SRRM3: variants seen among roughly 807,000 people sequenced by gnomAD.
SRRM3 encodes the protein serine/arginine repetitive matrix 3, also known as serine/arginine repetitive matrix protein 3.
Under a neutral mutation model 66.2 loss-of-function variants are expected in SRRM3, and 27 were observed. The ratio of observed to expected loss-of-function variants is 0.41; its 90% CI spans 0.30 to 0.56. The LOEUF is 0.56. Among genes scored for constraint, SRRM3 ranks in the 20% least tolerant of loss-of-function variants. The pLI, the probability that SRRM3 is intolerant of heterozygous loss-of-function variation, is 0.32. For synonymous variants in SRRM3, 391 were observed against 414.9 expected, an observed-to-expected ratio of 0.94 and a Z score of 0.70; for missense variants, 918 against 991.9, an observed-to-expected ratio of 0.93 and a Z score of 1.00.
At position 76,259,954 on chromosome 7, in the gene SRRM3, G is replaced by C; in HGVS notation, c.384G>C (p.Glu128Asp). The change falls in exon 4 of 15, where the codon GAG becomes GAC. Residue 128 changes from glutamate (E) to aspartate (D), a missense_variant. Transcript: ENST00000611745. Reference protein sequence around the residue: ...RLTEGAEPGLEYAPFDDDDGP... With the variant: ...RLTEGAEPGLDYAPFDDDDGP... Reference sequence around the variant, plus strand: ...CCGAGGGCGCTGAGCCGGGCCTGGAGTACGCGCCCTTTGACGATGACGACG... The same window carrying C: ...CCGAGGGCGCTGAGCCGGGCCTGGACTACGCGCCCTTTGACGATGACGACG... 6.2e-7 allele frequency: 1 copy of C among 1,601,998 alleles called. No individual in the cohort carries two copies. Among genetic ancestry groups the C allele is most frequent in the Non-Finnish European group, 8.5e-7 (1 of 1,179,470 alleles).
Position 76,285,690 on chromosome 7 carries a change from G to T in SRRM3, c.1809G>T (p.Ser603=), listed in dbSNP as rs781997418. The change falls in exon 15 of 15, where the codon TCG becomes TCT. Residue 603 remains serine, a synonymous_variant. Coordinates refer to ENST00000611745, the MANE Select transcript of SRRM3 (RefSeq NM_001110199.3). This position sits in a 1 kb window ranked among gnomAD's most constrained non-coding sequence, Gnocchi z 4.1. Reference sequence around the variant, plus strand: ...CCAGCTGCTTGAGCAGCGACTACTCGACCCGGAGCCACAGCCGCAGCCCCA... The same window carrying T: ...CCAGCTGCTTGAGCAGCGACTACTCTACCCGGAGCCACAGCCGCAGCCCCA... ...SSSSCLSSDY[S]TRSHSRSPSP... is the part of the protein sequence containing the mutation. 6.4e-7 allele frequency: 1 copy of T among 1,550,968 alleles called. No homozygotes were observed. Among genetic ancestry groups the T allele is most frequent in the Non-Finnish European group, 8.7e-7 (1 of 1,146,918 alleles).
intron 1 of SRRM3, among the ~76,000 whole-genome samples, chr7:76,225,343 G>T (rs1554603628): frequency 6.6e-6 from 1 of 152,196 alleles, no homozygotes; most frequent in Non-Finnish European, 1.5e-5. Context: ...CTTACTTGAA[G>T]CTGTGGGAAT....
intron 8 of SRRM3, 78 bp from the exon 9 acceptor site, chr7:76,264,687 G>C (rs1801964557): frequency 6.7e-7 from 1 of 1,482,720 alleles, no homozygotes; most frequent in Non-Finnish European, 9.4e-7. Context: ...ATCCACACCT[G>C]AGTATACCCA....
rs559722959 is a variant in SRRM3 at position 76,260,214 on chromosome 7, A to G, written c.545+17A>G. Reference sequence around the variant, plus strand: ...GAGAAGCCGGTGAGAACCGCGCCTGACCGGAGCGGGAAGGGAGGAGGAGGT... The same window carrying G: ...GAGAAGCCGGTGAGAACCGCGCCTGGCCGGAGCGGGAAGGGAGGAGGAGGT... On this transcript the variant is annotated intron_variant, in intron 5 of 14. Transcript: ENST00000611745. 4.6e-6 allele frequency: 7 copies of G among 1,522,542 alleles called. No homozygotes were observed. In the African/African-American group the frequency reaches 1.0e-4, roughly 22 times the overall value. The allele number at this position is 1,522,542 out of a possible 1,614,324, so 94.3% of individuals were successfully genotyped here.
intron 1 of SRRM3, 71 bp from the exon 2 acceptor site, chr7:76,234,957 T>G: frequency 1.1e-6 from 1 of 874,092 alleles, no homozygotes; most frequent in Non-Finnish European, 1.7e-6. Flanking sequence ...CAGGATTAAC[T>G]CCAGCAGAGA....
Position 76,248,226 on chromosome 7 carries a change from T to C in SRRM3, c.272T>C (p.Phe91Ser). 1 of 1,613,758 alleles carries C rather than the reference T, an allele frequency of 6.2e-7. No homozygotes were observed. The highest frequency in any genetic ancestry group is 8.5e-7 in the Non-Finnish European group (1 of 1,179,828). The change falls in exon 3 of 15, where the codon TTC (phenylalanine) becomes TCC (serine). Residue 91 changes from phenylalanine to serine, a missense_variant. Physicochemically the swap from Phe to Ser is radical, Grantham distance 155 (BLOSUM62 -2). Coordinates refer to ENST00000611745, the MANE Select transcript of SRRM3 (RefSeq NM_001110199.3). ...GAGATTCGGCAGAAAGTGGGGACAT[T>C]CCGGCAGATGCTGATGGAGAAGGAG... ...EEEIRQKVGT[F>S]RQMLMEKEGV...
chr7:76,210,603 C>T (rs971576880), intron 1 of SRRM3, among the ~76,000 whole-genome samples: 3 of 152,062 alleles, frequency 2.0e-5, no homozygotes, highest in South Asian at 2.1e-4. Context: ...GAGTTGGGCA[C>T]GGTGGCACAC....
In SRRM3 at chr7:76,286,086, CG is replaced by C. The variant is rs1369668885; in HGVS notation, c.*247del. 1.7e-6 allele frequency: 1 copy of C among 575,204 alleles called. No individual in the cohort carries two copies. Among genetic ancestry groups the C allele is most frequent in the African/African-American group, 1.9e-5 (1 of 53,010 alleles). The allele number at this position is 575,204 out of a possible 1,614,324, so 35.6% of individuals were successfully genotyped here. A position where few individuals can be genotyped will look rare whatever the true frequency, so the allele number is the denominator to read the frequency against. On this transcript the variant is annotated 3_prime_UTR_variant, in exon 15 of 15. Coordinates refer to ENST00000611745, the MANE Select transcript of SRRM3 (RefSeq NM_001110199.3). ...CCACCTCCTGTCCACCCACTGTGCC[CG>C]GGGAACAAAGAGCCGTTACGAACAC...
intron 2 of SRRM3, among the ~76,000 whole-genome samples, chr7:76,245,814 G>A (rs1312987510): frequency 5.9e-5 from 9 of 152,152 alleles, no homozygotes; most frequent in African/African-American, 1.9e-4. Context: ...TCCTGCCTCG[G>A]CCTCGTGGGT....
intron 2 of SRRM3, among the ~76,000 whole-genome samples, chr7:76,244,514 A>C (rs1583902440): frequency 1.8e-5 from 2 of 110,896 alleles, no homozygotes. Flanking sequence ...ACAGAGCAAG[A>C]CTCCATCTCA....
chr7:76,239,890 G>A (rs782817080), intron 2 of SRRM3, among the ~76,000 whole-genome samples: 8 of 152,132 alleles, frequency 5.3e-5, no homozygotes, highest in South Asian at 2.1e-4. Flanking sequence ...ATTGCTGGGC[G>A]TGGTGGCTCA....
intron 1 of SRRM3, among the ~76,000 whole-genome samples, chr7:76,218,475 C>T (rs1800622740): frequency 6.6e-6 from 1 of 151,996 alleles, no homozygotes; most frequent in Admixed American, 6.6e-5. Flanking sequence ...GCTGTCTGCT[C>T]TTGGTGGCAA....
At chr7:76,278,236 C>T (rs1398273937) in intron 11 of SRRM3, among the ~76,000 whole-genome samples, 1 of 152,098 alleles carries the variant, frequency 6.6e-6, no homozygotes, top group East Asian at 1.9e-4. Context: ...CCTGTAATCC[C>T]AGCACTTTGG....
chr7:76,259,072 T>C (rs1386349730), intron 3 of SRRM3, among the ~76,000 whole-genome samples: 1 of 137,998 alleles, frequency 7.2e-6, no homozygotes, highest in Non-Finnish European at 1.5e-5. Context: ...GACAACGGAG[T>C]GAGACTGAAA....
Position 76,259,920 on chromosome 7 carries a change from C to G in SRRM3, c.350C>G (p.Pro117Arg), listed in dbSNP as rs782029883. The G allele has an allele frequency of 1.9e-6, 3 of 1,601,692 alleles. No homozygotes were observed. Among genetic ancestry groups the G allele is most frequent in the African/African-American group, 1.3e-5 (1 of 75,002 alleles). ...RPGGHIVAET[P>R]RLTEGAEPGL... ...GTCGCCGGCAGTGTGGCGGAGACCC[C>G]GCGGCTGACCGAGGGCGCTGAGCCG... The change falls in exon 4 of 15, where the codon CCG (proline) becomes CGG (arginine). Residue 117 changes from proline (P) to arginine (R), a missense_variant. Transcript: ENST00000611745.
At chr7:76,252,081 TAAAAAC>T (rs1220731119) in intron 3 of SRRM3, among the ~76,000 whole-genome samples, 2 of 151,804 alleles carry the variant, frequency 1.3e-5, no homozygotes, top group Non-Finnish European at 2.9e-5. Flanking sequence ...AAAAAATAAA[TAAAAAC>T]AAAAATAATT....
chr7:76,266,677 T>TA (rs1278462621), intron 10 of SRRM3, among the ~76,000 whole-genome samples: 266 of 135,148 alleles, frequency 2.0e-3, no homozygotes, highest in East Asian at 6.6e-3. Flanking sequence ...TATTTATATA[T>TA]ATAATATATA....
chr7:76,281,130 C>G (rs186921590), intron 11 of SRRM3, among the ~76,000 whole-genome samples: 1 of 150,756 alleles, frequency 6.6e-6, no homozygotes, highest in Admixed American at 6.6e-5. Context: ...CTTCCTCTTT[C>G]TCTTCTCTGC....
intron 1 of SRRM3, among the ~76,000 whole-genome samples, chr7:76,223,393 A>G (rs914539719): frequency 2.6e-5 from 4 of 152,232 alleles, no homozygotes; most frequent in East Asian, 1.9e-4. Flanking sequence ...AGAGTGCTCC[A>G]GGGAATATGT....
Sources: allele counts gnomAD v4.1 joint callset (sites outside exome capture counted in the v4.1 genomes callset), GRCh38; gene constraint gnomAD v4.1.1; non-coding constraint Gnocchi (gnomAD v3.1); transcripts MANE v1.5; gene names NCBI Gene and HGNC (gene_info 2026-07-23, HGNC 2026-07-21).